The following GKN2 variants were observed in gnomAD, a reference collection of about 807,000 sequenced individuals.
GKN2 encodes gastrokine-2.
Under a neutral mutation model 22.7 loss-of-function variants are expected in GKN2, and 17 were observed. That is an observed-to-expected ratio of 0.75 (90% CI 0.51 to 1.13). The LOEUF (loss-of-function observed/expected upper bound fraction) is 1.13. GKN2 is among the 50% of genes most tolerant of loss of function. The pLI, the probability that GKN2 is intolerant of heterozygous loss-of-function variation, is 0.00. For missense variants in GKN2, 248 were observed against 221.4 expected (o/e 1.12, Z -0.76); for synonymous variants, 82 against 79.6 (o/e 1.03, Z -0.16).
intron 5 of GKN2, 180 bp downstream of exon 5, chr2:68,946,124 C>A: frequency 3.5e-5 from 17 of 484,926 alleles, no homozygotes; most frequent in African/African-American, 5.9e-5. Flanking sequence ...ACGTTTAATT[C>A]ATTTCTGTAT....
chr2:68,950,787 A>G (rs1180325391), intron 1 of GKN2, 32 bp from the exon 2 acceptor site: 2 of 1,610,864 alleles, frequency 1.2e-6, no homozygotes, highest in East Asian at 2.2e-5. Context: ...TCCATTCTTT[A>G]TAGGGTAGTC....
chr2:68,952,179 G>C (rs980249834), intron 1 of GKN2, among the ~76,000 whole-genome samples: 3 of 152,182 alleles, frequency 2.0e-5, no homozygotes, highest in Non-Finnish European at 4.4e-5. Flanking sequence ...TAGAAGGAAC[G>C]TTTTGTCCTA....
intron 2 of GKN2, 90 bp downstream of exon 2, chr2:68,950,612 T>C: frequency 8.9e-7 from 1 of 1,120,380 alleles, no homozygotes; most frequent in Non-Finnish European, 1.4e-6. Context: ...ATAAGGCATA[T>C]GGCCTCTCTA....
chr2:68,951,642 T>C (rs1027922637), intron 1 of GKN2, among the ~76,000 whole-genome samples: 4 of 152,190 alleles, frequency 2.6e-5, no homozygotes, highest in African/African-American at 9.7e-5. Context: ...ATTTCTCTTC[T>C]GGGGACTGGG....
chr2:68,947,113 G>T, intron 4 of GKN2, 34 bp downstream of exon 4: 1 of 1,315,444 alleles, frequency 7.6e-7, no homozygotes, highest in Non-Finnish European at 1.1e-6. Context: ...CCTGGCTTAA[G>T]AACAGAGAAT....
intron 1 of GKN2, among the ~76,000 whole-genome samples, chr2:68,951,235 G>A (rs1669850134): frequency 6.6e-6 from 1 of 152,128 alleles, no homozygotes; most frequent in African/African-American, 2.4e-5. Flanking sequence ...AATCATGGGT[G>A]ATAAAGACCT....
intron 3 of GKN2, among the ~76,000 whole-genome samples, chr2:68,949,480 T>G (rs894936262): frequency 2.0e-5 from 3 of 152,080 alleles, no homozygotes; most frequent in Non-Finnish European, 4.4e-5. Flanking sequence ...AGTGCAGTGG[T>G]GCAGTCTCAG....
Position 68,945,288 on chromosome 2 carries a change from G to T in GKN2, c.*80C>A. 9.9e-7 allele frequency: 1 copy of T among 1,005,918 alleles called. No individual in the cohort carries two copies. Among genetic ancestry groups the T allele is most frequent in the Non-Finnish European group, 1.5e-6 (1 of 679,724 alleles). The allele number at this position is 1,005,918 out of a possible 1,614,324, so 62.3% of individuals were successfully genotyped here. ...GAATCTCAAAATTAGTTGGGGCATT[G>T]GGAAAGAATTTAATTTGACTTTTGA... On this transcript the variant is annotated 3_prime_UTR_variant, in exon 6 of 6. Transcript: ENST00000328895.
chr2:68,945,322 C>A lies in GKN2; in HGVS notation c.*46G>T. The A allele has an allele frequency of 7.3e-7, 1 of 1,364,846 alleles. No individual in the cohort carries two copies. Among genetic ancestry groups the A allele is most frequent in the Non-Finnish European group, 1.0e-6 (1 of 983,162 alleles). 84.5% of individuals were successfully genotyped at this position (1,364,846 alleles called of 1,614,324 possible). On this transcript the variant is annotated 3_prime_UTR_variant, in exon 6 of 6. Transcript: ENST00000328895. ...TTTAATTTGACTTTTGAGTGTAAAC[C>A]AAGGATGTATTTCTTTGAAAAGATA... is the stretch of plus-strand genomic sequence containing the variant.
chr2:68,948,480 A>G (rs1276708568), intron 3 of GKN2, among the ~76,000 whole-genome samples: 1 of 152,122 alleles, frequency 6.6e-6, no homozygotes, highest in East Asian at 1.9e-4. Context: ...AGCTCTCATA[A>G]GCATACCCAT....
At chr2:68,951,853 C>A (rs1395377696) in intron 1 of GKN2, among the ~76,000 whole-genome samples, 1 of 152,234 alleles carries the variant, frequency 6.6e-6, no homozygotes, top group African/African-American at 2.4e-5. Flanking sequence ...GGAGTGTCCT[C>A]TGCCCCAAAA....
chr2:68,952,825 T>G, intron 1 of GKN2, 25 bp downstream of exon 1: 1 of 1,613,564 alleles, frequency 6.2e-7, no homozygotes, highest in South Asian at 1.1e-5. Context: ...CACAAGAGTA[T>G]CAAGAAGCAG....
At chr2:68,948,545 T>C (rs1209530556) in intron 3 of GKN2, among the ~76,000 whole-genome samples, 4 of 152,188 alleles carry the variant, frequency 2.6e-5, no homozygotes, top group African/African-American at 9.6e-5. Flanking sequence ...TCATTTGCCA[T>C]CTTTTCTTCC....
intron 5 of GKN2, chr2:68,945,653 TTC>T (rs1270876524): frequency 7.6e-5 from 34 of 445,676 alleles, no homozygotes; most frequent in Non-Finnish European, 2.0e-5. Context: ...TAAAATTTTT[TTC>T]TGGGCAGTAG....
intron 3 of GKN2, among the ~76,000 whole-genome samples, chr2:68,948,649 G>A (rs1044264622): frequency 7.9e-5 from 12 of 152,196 alleles, no homozygotes; most frequent in Non-Finnish European, 1.0e-4. Context: ...GCAATGGAGG[G>A]TGAAGACCCT....
At chr2:68,952,391 G>A (rs1243512880) in intron 1 of GKN2, among the ~76,000 whole-genome samples, 2 of 152,144 alleles carry the variant, frequency 1.3e-5, no homozygotes, top group Non-Finnish European at 2.9e-5. Flanking sequence ...TCATAGGGTT[G>A]TTGCAATGAA....
chr2:68,945,531 A>G, intron 5 of GKN2, 81 bp from the exon 6 acceptor site: 5 of 1,090,294 alleles, frequency 4.6e-6, no homozygotes, highest in Non-Finnish European at 6.8e-6. Context: ...ACATTAGCTT[A>G]AATAAAACTG....
At chr2:68,949,861 T>A (rs1669828996) in intron 3 of GKN2, among the ~76,000 whole-genome samples, 1 of 152,220 alleles carries the variant, frequency 6.6e-6, no homozygotes, top group Admixed American at 6.5e-5. Context: ...GAGCCTGTAG[T>A]GGGATAATAG....
At chr2:68,951,967 G>A (rs73935455) in intron 1 of GKN2, among the ~76,000 whole-genome samples, 1,781 of 152,298 alleles carry the variant, frequency 0.012, 37 homozygotes, top group African/African-American at 0.04. Context: ...CCTGAGAGAG[G>A]GAGCTCTTTA....
Sources: gnomAD v4.1 joint callset for allele counts (sites outside exome capture counted in the v4.1 genomes callset) on GRCh38, gnomAD v4.1.1 for gene constraint, MANE v1.5 for transcripts, NCBI Gene and HGNC (gene_info 2026-07-23, HGNC 2026-07-21) for gene names.